Variants in EFCAB6 observed in about 807,000 individuals in gnomAD.
The protein encoded by EFCAB6 is EF-hand calcium binding domain 6.
In EFCAB6, 156 loss-of-function variants were observed where a neutral mutation model predicts 169.8. The ratio of observed to expected loss-of-function variants is 0.92; its 90% confidence interval spans 0.81 to 1.05. The LOEUF (loss-of-function observed/expected upper bound fraction) is 1.05, where lower values mean the gene tolerates loss of function less well. EFCAB6 is among the 50% of genes least tolerant of loss of function. The pLI is 0.00. For synonymous variants in EFCAB6, 698 were observed against 676.4 expected, an observed-to-expected ratio of 1.03 and a Z score of -0.50; for missense variants, 1,800 against 1,829.1, an observed-to-expected ratio of 0.98 and a Z score of 0.29.
chr22:43,803,893 T>C (rs1048980211), intron 2 of EFCAB6, among the ~76,000 whole-genome samples: 1 of 152,200 alleles, frequency 6.6e-6, no homozygotes, highest in Admixed American at 6.5e-5. Flanking sequence ...TTTTTCTTTC[T>C]TTAGAGATGG....
At position 43,744,874 on chromosome 22, in the gene EFCAB6, C is replaced by T. The variant is rs2060507097; in HGVS notation, c.508-8881G>A. Among the ~76,000 whole-genome samples the T allele has an allele frequency of 6.6e-6, 1 of 152,158 alleles. No individual in the cohort carries two copies. Among genetic ancestry groups the T allele is most frequent in the African/African-American group, 2.4e-5 (1 of 41,426 alleles). ...GTACAGCCAGTGAGCAGGCCCTACC[C>T]ACTCCAGGGCCCTCGGGCTTGGAGG... On this transcript the variant is annotated intron_variant, in intron 6 of 31. Transcript: ENST00000262726. The surrounding 1 kb of genome is among the most constrained non-coding windows in gnomAD (Gnocchi z 4.3).
At chr22:43,606,298 C>T (rs924627369) in intron 22 of EFCAB6, among the ~76,000 whole-genome samples, 3 of 152,246 alleles carry the variant, frequency 2.0e-5, no homozygotes, top group African/African-American at 7.2e-5. Flanking sequence ...AAGACTTTCT[C>T]TCCTTAAGAG....
chr22:43,680,206 C>A (rs1274917828), intron 12 of EFCAB6, among the ~76,000 whole-genome samples: 4 of 152,164 alleles, frequency 2.6e-5, no homozygotes, highest in African/African-American at 9.6e-5. Flanking sequence ...AACATTTTAA[C>A]AGATATTTTC....
At chr22:43,705,442 T>A (rs2058920531) in intron 10 of EFCAB6, among the ~76,000 whole-genome samples, 1 of 152,044 alleles carries the variant, frequency 6.6e-6, no homozygotes, top group Non-Finnish European at 1.5e-5. Flanking sequence ...CAAGCGCAAA[T>A]GGAACATTCT....
chr22:43,639,005 G>A (rs774454900), intron 17 of EFCAB6, among the ~76,000 whole-genome samples: 3 of 150,870 alleles, frequency 2.0e-5, no homozygotes, highest in South Asian at 2.1e-4. Flanking sequence ...GGCTGGTCTC[G>A]AACTCCTGAC....
chr22:43,774,678 A>G (rs2061583314), intron 3 of EFCAB6, among the ~76,000 whole-genome samples: 1 of 151,550 alleles, frequency 6.6e-6, no homozygotes, highest in African/African-American at 2.4e-5. Context: ...GTTTCCGGTG[A>G]CAGGATGGAA....
Position 43,572,263 on chromosome 22 carries a change from G to A in EFCAB6, c.3420+4034C>T, listed in dbSNP as rs1181181130. On this transcript the variant is annotated intron_variant, in intron 26 of 31. Transcript: ENST00000262726. This position sits in a 1 kb window ranked among gnomAD's most constrained non-coding sequence, Gnocchi z 4.0. ...GGCAGAACTAACCAATGTTGCGGGAGGCAAGCTGACAGCACATAAAGCTTT... is the reference window on the plus strand; with the variant it reads ...GGCAGAACTAACCAATGTTGCGGGAAGCAAGCTGACAGCACATAAAGCTTT... 1.3e-5 allele frequency among the ~76,000 whole-genome samples: 2 copies of A among 152,186 alleles called. No homozygotes were observed. The highest frequency in any genetic ancestry group is 1.5e-5 in the Non-Finnish European group (1 of 68,034).
chr22:43,600,194 C>A lies in EFCAB6; in HGVS notation c.2751G>T (p.Ser917=), dbSNP rs1396579305. The A allele has an allele frequency of 8.1e-6, 13 of 1,613,936 alleles. No homozygotes were observed. The highest frequency in any genetic ancestry group is 1.6e-4 in the Middle Eastern group (1 of 6,084). Residue 917 remains serine, a synonymous_variant, in exon 23 of 32, where the codon TCG becomes TCT. Coordinates refer to ENST00000262726, the MANE Select transcript of EFCAB6 (RefSeq NM_022785.4). The part of the protein sequence containing the change: ...EFLQKLGINY[S]PAVHRPCAED... Reference sequence around the variant, plus strand: ...CTGCACAGGGCCGATGGACAGCAGGCGAATAGTTAATACCCAATTTCTGTA... The same window carrying A: ...CTGCACAGGGCCGATGGACAGCAGGAGAATAGTTAATACCCAATTTCTGTA...
At chr22:43,573,915 T>C (rs2050060575) in intron 26 of EFCAB6, among the ~76,000 whole-genome samples, 2 of 152,214 alleles carry the variant, frequency 1.3e-5, no homozygotes, top group South Asian at 2.1e-4. Context: ...CAATATTCAA[T>C]CATTTATGTC....
chr22:43,802,299 C>T (rs1360728907), intron 2 of EFCAB6, among the ~76,000 whole-genome samples: 3 of 152,030 alleles, frequency 2.0e-5, no homozygotes, highest in Non-Finnish European at 2.9e-5. Flanking sequence ...GAGGCCAAGG[C>T]GGGTGGATCA....
rs2054995580 is a variant in EFCAB6, at chr22:43,632,141, C to T, written c.2196G>A (p.Leu732=). The change falls in exon 19 of 32, where the codon CTG becomes CTA. Residue 732 remains leucine (L), a synonymous_variant. Coordinates refer to ENST00000262726, the MANE Select transcript of EFCAB6 (RefSeq NM_022785.4). The part of the protein sequence containing the change: ...NSHFITAEEC[L]KLFPRRLKES... ...CCTTCAGCCTCCTAGGGAAAAGCTT[C>T]AGGCATTCTTCTGCGGTGATAAAGT... 9 of 1,614,152 alleles carry T rather than the reference C, an allele frequency of 5.6e-6. No individual in the cohort carries two copies. The highest frequency in any genetic ancestry group is 7.6e-6 in the Non-Finnish European group (9 of 1,180,032).
chr22:43,797,602 TACACACACACACATGC>T (rs1386548574), intron 2 of EFCAB6, among the ~76,000 whole-genome samples: 4 of 151,792 alleles, frequency 2.6e-5, no homozygotes, highest in East Asian at 1.9e-4. Flanking sequence ...CTCAATCCAA[TACACACACACACATGC>T]ACACACACAC....
At chr22:43,638,793 T>G (rs2055604338) in intron 17 of EFCAB6, among the ~76,000 whole-genome samples, 1 of 152,180 alleles carries the variant, frequency 6.6e-6, no homozygotes, top group East Asian at 1.9e-4. Flanking sequence ...CCTGTTCTTT[T>G]TTTTTTTTTG....
chr22:43,698,528 C>G (rs911899056), intron 10 of EFCAB6, among the ~76,000 whole-genome samples: 1 of 152,170 alleles, frequency 6.6e-6, no homozygotes. Context: ...CTCAGACCCA[C>G]AAAATTCAAT....
chr22:43,626,055 GTA>G (rs964809012), intron 20 of EFCAB6, among the ~76,000 whole-genome samples: 6 of 151,612 alleles, frequency 4.0e-5, no homozygotes, highest in African/African-American at 1.5e-4. Context: ...ATGTATGTGT[GTA>G]TATATATGTA....
intron 3 of EFCAB6, among the ~76,000 whole-genome samples, chr22:43,781,482 C>G (rs113877159): frequency 0.019 from 2,888 of 152,174 alleles, 92 homozygotes; most frequent in African/African-American, 0.066. Context: ...TACCACTATG[C>G]CTGGCTAATT....
intron 3 of EFCAB6, 33 bp from the exon 4 acceptor site, chr22:43,773,136 G>A: frequency 6.2e-7 from 1 of 1,605,938 alleles, no homozygotes; most frequent in Non-Finnish European, 8.5e-7. Context: ...TATTAAACAT[G>A]TTTAAAGCCA....
intron 29 of EFCAB6, chr22:43,536,686 A>G (rs1273602806): frequency 6.6e-6 from 1 of 152,192 alleles, no homozygotes; most frequent in Non-Finnish European, 1.5e-5. Flanking sequence ...CAAAAAATAC[A>G]AAAACATTCA....
chr22:43,530,908 G>C lies in EFCAB6; in HGVS notation c.4290C>G (p.Pro1430=). The part of the protein sequence containing the change: ...SFYSALLRIQ[P]KIVHCWRPMR... Reference sequence around the variant, plus strand: ...TTGGCCTCCAGCAGTGCACAATTTTGGGCTGAATACGCAGCAGAGCAGAGT... The same window carrying C: ...TTGGCCTCCAGCAGTGCACAATTTTCGGCTGAATACGCAGCAGAGCAGAGT... Residue 1430 remains proline, a synonymous_variant, in exon 31 of 32, where the codon CCC becomes CCG. Transcript: ENST00000262726. 6.2e-7 allele frequency: 1 copy of C among 1,614,236 alleles called. No individual in the cohort carries two copies. Among genetic ancestry groups the C allele is most frequent in the Non-Finnish European group, 8.5e-7 (1 of 1,180,048 alleles).
Sources: gnomAD v4.1 joint callset for allele counts (sites outside exome capture counted in the v4.1 genomes callset) on GRCh38, gnomAD v4.1.1 for gene constraint, Gnocchi (gnomAD v3.1) non-coding constraint, MANE v1.5 for transcripts, NCBI Gene and HGNC (gene_info 2026-07-23, HGNC 2026-07-21) for gene names.